The following DLG2 variants were observed in gnomAD, a reference collection of about 807,000 sequenced individuals.
The protein encoded by DLG2 is disks large homolog 2.
Under a neutral mutation model 132.5 loss-of-function variants are expected in DLG2, and 45 were observed. The observed-to-expected ratio is 0.34, with a 90% CI of 0.27 to 0.44. DLG2 has a LOEUF of 0.44. DLG2 is among the 20% of genes least tolerant of loss of function. The probability of loss-of-function intolerance (pLI) is 1.00; values close to 1 mark genes in which losing one functional copy is unlikely to be tolerated. For synonymous variants in DLG2, 424 were observed against 419.6 expected, an observed-to-expected ratio of 1.01 and a Z score of -0.13; for missense variants, 1,045 against 1,196.9, an observed-to-expected ratio of 0.87 and a Z score of 1.87.
At chr11:84,187,774 C>T (rs1301369758) in intron 8 of DLG2, among the ~76,000 whole-genome samples, 3 of 152,032 alleles carry the variant, frequency 2.0e-5, no homozygotes, top group Non-Finnish European at 4.4e-5. Context: ...TGGTAAAGAC[C>T]TTCAGGCTAT....
intron 11 of DLG2, among the ~76,000 whole-genome samples, chr11:84,013,866 C>CAAAAAAA (rs5793100): frequency 1.6e-5 from 1 of 64,078 alleles, no homozygotes. Context: ...GACTGCGTCT[C>CAAAAAAA]AAAAAAAAAA....
At chr11:84,279,203 A>G (rs994067164) in intron 7 of DLG2, among the ~76,000 whole-genome samples, 46 of 152,198 alleles carry the variant, frequency 3.0e-4, no homozygotes, top group African/African-American at 1.1e-3. Context: ...GTAGCCAAAA[A>G]ACATATGAAA....
At position 83,633,226 on chromosome 11, in the gene DLG2, C is replaced by A. The variant is rs151222966; in HGVS notation, c.1925G>T (p.Arg642Leu). 1.2e-6 allele frequency: 2 copies of A among 1,613,562 alleles called. No homozygotes were observed. Among genetic ancestry groups the A allele is most frequent in the Non-Finnish European group, 1.7e-6 (2 of 1,179,644 alleles). Residue 642 changes from arginine (R) to leucine (L), a missense_variant, in exon 19 of 28, where the codon CGC (arginine) becomes CTC (leucine). Physicochemically the swap from Arg to Leu is moderately radical, Grantham distance 102 (BLOSUM62 -2). This residue lies in a region of DLG2 where 398 missense variants were observed against 543.6 expected (regional missense o/e 0.73). Coordinates refer to ENST00000376104, the MANE Select transcript of DLG2 (RefSeq NM_001142699.3). ...GSGSLRTNQK[R>L]SLYVRAMFDY... The stretch of plus-strand genomic sequence containing the variant: ...CTTTGCCTACCTGACGTAGAGGGAG[C>A]GTTTCTGATTGGTTCGCAGGGATCC...
chr11:84,385,072 C>T (rs2098764051), intron 7 of DLG2, among the ~76,000 whole-genome samples: 1 of 151,992 alleles, frequency 6.6e-6, no homozygotes, highest in Non-Finnish European at 1.5e-5. Flanking sequence ...TCCCAATTTG[C>T]CTCTGACCTC....
At chr11:84,186,879 G>C (rs1256405717) in intron 8 of DLG2, among the ~76,000 whole-genome samples, 1 of 151,890 alleles carries the variant, frequency 6.6e-6, no homozygotes, top group African/African-American at 2.4e-5. Context: ...GTGAATGGTA[G>C]CTAAAAATTA....
chr11:85,428,670 A>G (rs2090951378), intron 3 of DLG2, among the ~76,000 whole-genome samples: 2 of 152,266 alleles, frequency 1.3e-5, no homozygotes, highest in African/African-American at 4.8e-5. Flanking sequence ...CCACAAGAGA[A>G]AGAAGGAAAG....
At chr11:84,591,163 G>A (rs560079078) in intron 6 of DLG2, among the ~76,000 whole-genome samples, 43 of 150,666 alleles carry the variant, frequency 2.9e-4, no homozygotes, top group Admixed American at 1.1e-3. Flanking sequence ...CTGTTGTCAT[G>A]TTCATACTCC....
At chr11:83,811,430 A>G (rs1443127638) in intron 17 of DLG2, among the ~76,000 whole-genome samples, 1 of 152,090 alleles carries the variant, frequency 6.6e-6, no homozygotes, top group Non-Finnish European at 1.5e-5. Context: ...TGGCAACTTC[A>G]TATGGTTCAG....
intron 2 of DLG2, among the ~76,000 whole-genome samples, chr11:85,609,807 C>G (rs915578192): frequency 6.6e-6 from 1 of 152,196 alleles, no homozygotes; most frequent in Non-Finnish European, 1.5e-5. Context: ...CAGTGTTAAT[C>G]TCCTGTCCCA....
At chr11:84,343,286 T>C (rs2098524106) in intron 7 of DLG2, among the ~76,000 whole-genome samples, 1 of 152,198 alleles carries the variant, frequency 6.6e-6, no homozygotes, top group African/African-American at 2.4e-5. Flanking sequence ...GGTTTCAAGC[T>C]TAATTATTTA....
At chr11:84,648,777 GTA>G (rs35392253) in intron 6 of DLG2, among the ~76,000 whole-genome samples, 43,790 of 149,794 alleles carry the variant, frequency 0.29, 6,961 homozygotes, top group South Asian at 0.44. Flanking sequence ...ACATGTGTGT[GTA>G]TATATATATA....
intron 6 of DLG2, among the ~76,000 whole-genome samples, chr11:84,671,116 A>T (rs1440157353): frequency 6.7e-6 from 1 of 148,808 alleles, no homozygotes; most frequent in African/African-American, 2.5e-5. Flanking sequence ...TTTTTTTGAG[A>T]CAAAGTCTCA....
At chr11:84,275,835 G>A (rs2097778555) in intron 7 of DLG2, among the ~76,000 whole-genome samples, 1 of 152,186 alleles carries the variant, frequency 6.6e-6, no homozygotes, top group South Asian at 2.1e-4. Flanking sequence ...AAAAAGAAGA[G>A]ATTATATCCA....
intron 7 of DLG2, among the ~76,000 whole-genome samples, chr11:84,444,896 A>G (rs2099028695): frequency 6.7e-6 from 1 of 150,048 alleles, no homozygotes; most frequent in African/African-American, 2.5e-5. Context: ...TCCGCTTCCC[A>G]GGTTGAAGCG....
chr11:84,223,659 A>G (rs1218726030), intron 8 of DLG2, among the ~76,000 whole-genome samples: 2 of 151,336 alleles, frequency 1.3e-5, no homozygotes, highest in Non-Finnish European at 2.9e-5. Context: ...TGGGTTCAAC[A>G]GATTCTCCTG....
chr11:85,177,954 T>C (rs369072579), intron 4 of DLG2, among the ~76,000 whole-genome samples: 39 of 152,198 alleles, frequency 2.6e-4, no homozygotes, highest in African/African-American at 9.1e-4. Context: ...AAATGTCTTA[T>C]ATTTGGGGAA....
At chr11:85,208,625 T>C (rs757454554) in intron 4 of DLG2, among the ~76,000 whole-genome samples, 43 of 152,256 alleles carry the variant, frequency 2.8e-4, no homozygotes, top group Admixed American at 5.2e-4. Flanking sequence ...TCAGCCCCAG[T>C]GGTCCCAACA....
intron 6 of DLG2, among the ~76,000 whole-genome samples, chr11:84,550,517 G>C (rs1435678445): frequency 6.6e-6 from 1 of 152,166 alleles, no homozygotes; most frequent in Non-Finnish European, 1.5e-5. Context: ...CTAACCATGT[G>C]AGTTTTTGGA....
Position 84,667,088 on chromosome 11 carries a change from G to A in DLG2, c.358-132357C>T, listed in dbSNP as rs972044142. On this transcript the variant is annotated intron_variant, in intron 6 of 27. Transcript: ENST00000376104. ...CCACAATTTAAAATATCCGTTATGT[G>A]AGTGTTAGTTATTATTATTCTTAAT... is the stretch of plus-strand genomic sequence containing the variant. 8.6e-5 allele frequency among the ~76,000 whole-genome samples: 13 copies of A among 152,026 alleles called. 1 individual carries two copies. Among genetic ancestry groups the A allele is most frequent in the Admixed American group, 7.2e-4 (11 of 15,254 alleles).
Sources: allele counts gnomAD v4.1 joint callset (sites outside exome capture counted in the v4.1 genomes callset), GRCh38; gene constraint gnomAD v4.1.1; regional missense constraint gnomAD v4.1.1; transcripts MANE v1.5; gene names NCBI Gene and HGNC (gene_info 2026-07-23, HGNC 2026-07-21).